Variants in ANKRD28 observed in about 807,000 individuals in gnomAD.
The protein encoded by ANKRD28 is ankyrin repeat domain 28.
In ANKRD28, 44 loss-of-function variants were observed where a neutral mutation model predicts 126.5. The observed-to-expected ratio is 0.35, with a 90% confidence interval of 0.27 to 0.45. The LOEUF is 0.45. Ranked by LOEUF, ANKRD28 falls within the 20% of genes least tolerant of loss-of-function variation. The pLI is 1.00. For synonymous variants in ANKRD28, 442 were observed against 468.5 expected, an observed-to-expected ratio of 0.94 and a Z score of 0.73; for missense variants, 1,110 against 1,316.6, an observed-to-expected ratio of 0.84 and a Z score of 2.43.
chr3:15,702,277 A>G (rs1266797051), intron 14 of ANKRD28, among the ~76,000 whole-genome samples: 1 of 152,200 alleles, frequency 6.6e-6, no homozygotes, highest in Non-Finnish European at 1.5e-5. Flanking sequence ...TTACAGTGGT[A>G]AGTTAACTAG....
At chr3:15,694,897 T>TA in intron 16 of ANKRD28, 84 bp from the exon 17 acceptor site, 1 of 1,301,600 alleles carries the variant, frequency 7.7e-7, no homozygotes, top group East Asian at 2.3e-5. Context: ...AAATCCACCT[T>TA]AGAGTATTAT....
In ANKRD28 at chr3:15,751,774, G is replaced by A. The variant is rs890304778; in HGVS notation, c.327C>T (p.His109=). The A allele has an allele frequency of 5.7e-6, 9 of 1,588,816 alleles. No homozygotes were observed. The highest frequency in any genetic ancestry group is 1.3e-5 in the African/African-American group (1 of 74,154). The stretch of plus-strand genomic sequence containing the variant: ...CCTCACTACAAGATGCAACTGCTCT[G>A]TGTAAAGGTGTCAACCATTTGCTGT... ...AKDSKWLTPL[H]RAVASCSEEA... is the part of the protein sequence containing the mutation. Residue 109 remains histidine, a synonymous_variant, in exon 4 of 28, where the codon CAC becomes CAT. Transcript: ENST00000683139.
intron 13 of ANKRD28, 122 bp from the exon 14 acceptor site, chr3:15,708,186 C>T: frequency 1.8e-6 from 2 of 1,107,560 alleles, no homozygotes; most frequent in South Asian, 1.6e-5. Flanking sequence ...ACTTAGACTA[C>T]CATATACTAA....
chr3:15,815,803 T>C lies in ANKRD28; in HGVS notation c.28-20497A>G, dbSNP rs1039605373. 2.0e-5 allele frequency among the ~76,000 whole-genome samples: 3 copies of C among 152,214 alleles called. No individual in the cohort carries two copies. Among genetic ancestry groups the C allele is most frequent in the Non-Finnish European group, 4.4e-5 (3 of 68,036 alleles). Reference sequence around the variant, plus strand: ...CTTGTCAAAATTATTTATGAACAAATCAACCTCATCAGAAAATATTAAAGG... The same window carrying C: ...CTTGTCAAAATTATTTATGAACAAACCAACCTCATCAGAAAATATTAAAGG... On this transcript the variant is annotated intron_variant, in intron 1 of 27. Coordinates refer to the ANKRD28 transcript ENST00000399451. This position sits in a 1 kb window ranked among gnomAD's most constrained non-coding sequence, Gnocchi z 4.1.
At chr3:15,704,956 T>G (rs2071156996) in intron 14 of ANKRD28, among the ~76,000 whole-genome samples, 1 of 152,160 alleles carries the variant, frequency 6.6e-6, no homozygotes, top group Admixed American at 6.5e-5. Flanking sequence ...ACAGTCTCAT[T>G]TAGTTTTCCC....
At chr3:15,692,366 C>T (rs963800608) in intron 17 of ANKRD28, among the ~76,000 whole-genome samples, 1 of 152,130 alleles carries the variant, frequency 6.6e-6, no homozygotes, top group African/African-American at 2.4e-5. Context: ...GGGAGGCTCA[C>T]TGGAGCTCAG....
exon 1 of ANKRD28, chr3:15,859,413 C>A: frequency 6.6e-7 from 1 of 1,525,152 alleles, no homozygotes; most frequent in Non-Finnish European, 8.8e-7. Context: ...TGGCGGTCGC[C>A]TCCGCGCCCA....
intron 2 of ANKRD28, among the ~76,000 whole-genome samples, chr3:15,779,456 T>C (rs1174706495): frequency 6.6e-6 from 1 of 152,230 alleles, no homozygotes; most frequent in Admixed American, 6.5e-5. Flanking sequence ...AAATTACTTA[T>C]AATGCTAAGC....
At chr3:15,847,635 A>G (rs2061556308) in intron 1 of ANKRD28, among the ~76,000 whole-genome samples, 1 of 152,216 alleles carries the variant, frequency 6.6e-6, no homozygotes, top group South Asian at 2.1e-4. Context: ...GTTACTGAAG[A>G]GTCATCCTTC....
At chr3:15,848,782 A>T (rs903775418) in intron 1 of ANKRD28, among the ~76,000 whole-genome samples, 1 of 151,892 alleles carries the variant, frequency 6.6e-6, no homozygotes, top group African/African-American at 2.4e-5. Context: ...GCTACATCAT[A>T]CTTAATGATG....
At position 15,795,215 on chromosome 3, in the gene ANKRD28, T is replaced by C; in HGVS notation, c.201+8A>G. Reference sequence around the variant, plus strand: ...TAAAGGCTGGCATCAGTGAATTAACTGTTTTACCTGAAAGTTAACATCTTC... The same window carrying C: ...TAAAGGCTGGCATCAGTGAATTAACCGTTTTACCTGAAAGTTAACATCTTC... On this transcript the variant is annotated splice_region_variant and intron_variant, in intron 2 of 27. Transcript: ENST00000683139. 6.5e-7 allele frequency: 1 copy of C among 1,538,374 alleles called. No individual in the cohort carries two copies. Among genetic ancestry groups the C allele is most frequent in the Non-Finnish European group, 9.0e-7 (1 of 1,116,096 alleles).
intron 1 of ANKRD28, among the ~76,000 whole-genome samples, chr3:15,806,358 T>C (rs1009369388): frequency 6.6e-6 from 1 of 152,192 alleles, no homozygotes; most frequent in Non-Finnish European, 1.5e-5. Flanking sequence ...TACTGTATTG[T>C]AGAAATTTTT....
chr3:15,670,617 G>T lies in ANKRD28; in HGVS notation c.2966-61C>A, dbSNP rs1575058140. ...CTGAGATGTATTTCACCAAAGACAA[G>T]GAAATAAGCCTAAAGTACTTCAACT... On this transcript the variant is annotated intron_variant, in intron 27 of 27. Transcript: ENST00000683139. 2.0e-6 allele frequency: 3 copies of T among 1,506,506 alleles called. No homozygotes were observed. In the East Asian group the frequency reaches 7.0e-5, roughly 35 times the overall value. 93.3% of individuals were successfully genotyped at this position (1,506,506 alleles called of 1,614,324 possible). A position where few individuals can be genotyped will look rare whatever the true frequency, so the allele number is the denominator to read the frequency against.
intron 1 of ANKRD28, among the ~76,000 whole-genome samples, chr3:15,806,713 C>T (rs568790971): frequency 1.3e-5 from 2 of 152,052 alleles, no homozygotes; most frequent in South Asian, 2.1e-4. Context: ...GTAAAGACAG[C>T]GTTTTACCAT....
At chr3:15,777,687 C>T (rs2059344935) in intron 2 of ANKRD28, among the ~76,000 whole-genome samples, 1 of 151,926 alleles carries the variant, frequency 6.6e-6, no homozygotes, top group Non-Finnish European at 1.5e-5. Flanking sequence ...ACAGAAAGGG[C>T]GAAACAAAAC....
rs779952214 is a variant in ANKRD28, at chr3:15,766,267, C to T, written c.247G>A (p.Asp83Asn). 5.0e-6 allele frequency: 8 copies of T among 1,611,424 alleles called. No individual in the cohort carries two copies. The highest frequency in any genetic ancestry group is 1.6e-4 in the Middle Eastern group (1 of 6,076). ...ATAAGAAGTTCAATGATTTCTGCAT[C>T]TCCAAGGTAAGCTGCGGCGTGCAAT... ...TPLHAAAYLG[D>N]AEIIELLILS... The change falls in exon 3 of 28, where the codon GAT (aspartate) becomes AAT (asparagine). Residue 83 changes from aspartate (D) to asparagine (N), a missense_variant. By Grantham distance (23) the Asp-to-Asn change is conservative (BLOSUM62 1). Transcript: ENST00000683139.
In ANKRD28 at chr3:15,685,242, G is replaced by C; in HGVS notation, c.2373C>G (p.His791Gln). ...TADNHGYTAL[H>Q]WACYNGHETC... ...ATACTTAACCATTGTAGCAAGCCCA[G>C]TGAAGTGCCGTATATCCATGATTGT... Residue 791 changes from histidine to glutamine, a missense_variant, in exon 21 of 28, where the codon CAC becomes CAG. His to Gln is a conservative substitution (Grantham distance 24, BLOSUM62 0). Transcript: ENST00000683139. 4.3e-6 allele frequency: 7 copies of C among 1,613,956 alleles called. No homozygotes were observed. Among genetic ancestry groups the C allele is most frequent in the Non-Finnish European group, 5.9e-6 (7 of 1,179,860 alleles).
chr3:15,796,072 T>C (rs1269278800), intron 1 of ANKRD28, among the ~76,000 whole-genome samples: 2 of 152,146 alleles, frequency 1.3e-5, no homozygotes, highest in African/African-American at 4.8e-5. Context: ...TCCTAAAATA[T>C]GCAGAGTTCC....
intron 2 of ANKRD28, among the ~76,000 whole-genome samples, chr3:15,770,977 T>C (rs2058972418): frequency 6.6e-6 from 1 of 152,218 alleles, no homozygotes; most frequent in African/African-American, 2.4e-5. Flanking sequence ...TGTAAAATTA[T>C]TGTACAATTT....
Sources: allele counts gnomAD v4.1 joint callset (sites outside exome capture counted in the v4.1 genomes callset), GRCh38; gene constraint gnomAD v4.1.1; non-coding constraint Gnocchi (gnomAD v3.1); transcripts MANE v1.5; gene names NCBI Gene and HGNC (gene_info 2026-07-23, HGNC 2026-07-21).